The following CHST11 variants were observed in gnomAD, a reference collection of about 807,000 sequenced individuals.
CHST11 encodes the protein C4S-1.
In CHST11, 9 loss-of-function variants were observed where a neutral mutation model predicts 30.4. The observed-to-expected ratio is 0.30, with a 90% CI of 0.18 to 0.52. The LOEUF is 0.52. CHST11 is among the 20% of genes least tolerant of loss of function. The probability of loss-of-function intolerance (pLI) is 0.97; values close to 1 mark genes in which losing one functional copy is unlikely to be tolerated. For missense variants in CHST11, 348 were observed against 460.6 expected (o/e 0.76, Z 2.24); for synonymous variants, 152 against 187.8 (o/e 0.81, Z 1.56).
rs559497069 is a variant in CHST11, at chr12:104,680,839, TG to T, written c.205-76109del. Among the ~76,000 whole-genome samples, 16 of 152,334 alleles carry T rather than the reference TG, an allele frequency of 1.1e-4. No individual in the cohort carries two copies. The East Asian group carries it at 3.1e-3, about 29-fold the overall frequency. On this transcript the variant is annotated intron_variant, in intron 2 of 2. Transcript: ENST00000303694. The stretch of plus-strand genomic sequence containing the variant: ...TTTGAGTGCCCCGCCCCCCTGTTCC[TG>T]CTGTGAGTGAAGGGTTCAGGTGAAG...
chr12:104,629,344 C>A (rs909085415), intron 2 of CHST11, among the ~76,000 whole-genome samples: 1 of 152,178 alleles, frequency 6.6e-6, no homozygotes, highest in Non-Finnish European at 1.5e-5. Flanking sequence ...CCTTGAAGCT[C>A]ACATGGTTGT....
chr12:104,720,788 C>T (rs559832771), intron 2 of CHST11, among the ~76,000 whole-genome samples: 29 of 151,846 alleles, frequency 1.9e-4, no homozygotes, highest in Non-Finnish European at 3.1e-4. Context: ...AAAAACAAAA[C>T]AAGTTCACAA....
chr12:104,646,081 A>G (rs1380515832), intron 2 of CHST11, among the ~76,000 whole-genome samples: 1 of 152,192 alleles, frequency 6.6e-6, no homozygotes, highest in African/African-American at 2.4e-5. Context: ...CTCCCTGGTG[A>G]ATGGACCCAG....
In CHST11 at chr12:104,757,828, C is replaced by A; in HGVS notation, c.*25C>A. 1 of 1,565,670 alleles carries A rather than the reference C, an allele frequency of 6.4e-7. No individual in the cohort carries two copies. Among genetic ancestry groups the A allele is most frequent in the South Asian group, 1.2e-5 (1 of 84,452 alleles). On this transcript the variant is annotated 3_prime_UTR_variant, in exon 3 of 3. Transcript: ENST00000303694. The surrounding 1 kb of genome is among the most constrained non-coding windows in gnomAD (Gnocchi z 6.5). ...AAGGGGGTGGGGAGAGGGAGAGAATCATGCTTTTTAATTTAAGATTTTTAT... is the reference window on the plus strand; with the variant it reads ...AAGGGGGTGGGGAGAGGGAGAGAATAATGCTTTTTAATTTAAGATTTTTAT...
At chr12:104,568,954 C>T (rs1226691320) in intron 1 of CHST11, among the ~76,000 whole-genome samples, 1 of 152,194 alleles carries the variant, frequency 6.6e-6, no homozygotes, top group African/African-American at 2.4e-5. Context: ...TTATTAAATA[C>T]TGACTGAATA....
intron 2 of CHST11, among the ~76,000 whole-genome samples, chr12:104,681,825 C>CTTTTTTTTTTTTTTTT (rs149441295): frequency 1.1e-4 from 9 of 85,086 alleles, no homozygotes; most frequent in Admixed American, 1.6e-4. Flanking sequence ...GTCTGTTTTG[C>CTTTTTTTTTTTTTTTT]TTTTTTTTTT....
chr12:104,495,219 G>A (rs187412136), intron 1 of CHST11, among the ~76,000 whole-genome samples: 38 of 152,278 alleles, frequency 2.5e-4, no homozygotes, highest in African/African-American at 4.3e-4. Context: ...CTGTTCTTCA[G>A]TTGATGGGCA....
At chr12:104,493,555 G>A (rs914521688) in intron 1 of CHST11, among the ~76,000 whole-genome samples, 3 of 152,214 alleles carry the variant, frequency 2.0e-5, no homozygotes, top group Non-Finnish European at 2.9e-5. Context: ...GTATGCGAAT[G>A]TGTGTCAAAT....
At chr12:104,704,743 CCTCAGAACCCCGGCCTTTGGAGGG>C (rs1566045851) in intron 2 of CHST11, among the ~76,000 whole-genome samples, 2 of 151,822 alleles carry the variant, frequency 1.3e-5, no homozygotes, top group Non-Finnish European at 2.9e-5. Context: ...CCTTTGGAGG[CCTCAGAACCCCGGCCTTTGGAGGG>C]CTCAGATGCC....
At chr12:104,503,772 G>C (rs77299081) in intron 1 of CHST11, among the ~76,000 whole-genome samples, 1 of 152,154 alleles carries the variant, frequency 6.6e-6, no homozygotes, top group Non-Finnish European at 1.5e-5. Flanking sequence ...ACGGGACACA[G>C]TTAGTACCCG....
intron 2 of CHST11, among the ~76,000 whole-genome samples, chr12:104,741,643 CAAT>C (rs1187908735): frequency 2.0e-5 from 3 of 152,190 alleles, no homozygotes; most frequent in Non-Finnish European, 4.4e-5. Context: ...AAGTTGCCGC[CAAT>C]TGCCTCTATC....
rs2037382261 is a variant in CHST11, at chr12:104,458,964, G to T, written c.118+1435G>T. On this transcript the variant is annotated intron_variant, in intron 1 of 2. Coordinates refer to ENST00000303694, the MANE Select transcript of CHST11 (RefSeq NM_018413.6). The surrounding 1 kb of genome is among the most constrained non-coding windows in gnomAD (Gnocchi z 5.7). Reference sequence around the variant, plus strand: ...TGCAGGCTGCAGATTCCTTGACAGCGCAGGGACAGACGGCCCCTTTGCCCC... The same window carrying T: ...TGCAGGCTGCAGATTCCTTGACAGCTCAGGGACAGACGGCCCCTTTGCCCC... 6.6e-6 allele frequency among the ~76,000 whole-genome samples: 1 copy of T among 152,232 alleles called. No individual in the cohort carries two copies. Among genetic ancestry groups the T allele is most frequent in the South Asian group, 2.1e-4 (1 of 4,836 alleles).
intron 1 of CHST11, among the ~76,000 whole-genome samples, chr12:104,523,233 G>C (rs1704912): frequency 0.79 from 119,524 of 152,138 alleles, 47,216 homozygotes; most frequent in Admixed American, 0.86. Context: ...CAGATGTGTG[G>C]GTGGGGTTTC....
In CHST11 at chr12:104,729,626, C is replaced by T. The variant is rs1188413371; in HGVS notation, c.205-27323C>T. Among the ~76,000 whole-genome samples, 1 of 152,116 alleles carries T rather than the reference C, an allele frequency of 6.6e-6. No homozygotes were observed. Among genetic ancestry groups the T allele is most frequent in the African/African-American group, 2.4e-5 (1 of 41,414 alleles). On this transcript the variant is annotated intron_variant, in intron 2 of 2. Transcript: ENST00000303694. The surrounding 1 kb of genome is among the most constrained non-coding windows in gnomAD (Gnocchi z 4.0). The stretch of plus-strand genomic sequence containing the variant: ...TAGGTGCCATGAGTGACAGAAGCAG[C>T]GTAAGGTCTAGCGTATTGTCTTCTC...
chr12:104,573,839 C>T (rs2038654668), intron 1 of CHST11, among the ~76,000 whole-genome samples: 1 of 152,178 alleles, frequency 6.6e-6, no homozygotes, highest in South Asian at 2.1e-4. Flanking sequence ...GCAATGGGAA[C>T]AGAAGCCAAA....
At chr12:104,578,315 C>G (rs540837477) in intron 1 of CHST11, among the ~76,000 whole-genome samples, 1 of 152,246 alleles carries the variant, frequency 6.6e-6, no homozygotes, top group South Asian at 2.1e-4. Flanking sequence ...AACTAGATGC[C>G]TTGTAATATA....
At chr12:104,755,044 C>A (rs1424481592) in intron 2 of CHST11, among the ~76,000 whole-genome samples, 1 of 152,210 alleles carries the variant, frequency 6.6e-6, no homozygotes, top group Non-Finnish European at 1.5e-5. Flanking sequence ...ATGCAGGGTG[C>A]AATGGCTTCT....
intron 1 of CHST11, among the ~76,000 whole-genome samples, chr12:104,549,986 T>TGG (rs959597575): frequency 5.3e-5 from 8 of 152,282 alleles, no homozygotes; most frequent in African/African-American, 1.9e-4. Flanking sequence ...AGAAGCCTGG[T>TGG]GGCACCCAGG....
At chr12:104,596,832 C>T (rs928951888) in intron 1 of CHST11, among the ~76,000 whole-genome samples, 6 of 152,188 alleles carry the variant, frequency 3.9e-5, no homozygotes, top group Non-Finnish European at 8.8e-5. Context: ...CTGCTAGCTA[C>T]ACTGGGCAGT....
Sources: allele counts gnomAD v4.1 joint callset (sites outside exome capture counted in the v4.1 genomes callset), GRCh38; gene constraint gnomAD v4.1.1; non-coding constraint Gnocchi (gnomAD v3.1); transcripts MANE v1.5; gene names NCBI Gene and HGNC (gene_info 2026-07-23, HGNC 2026-07-21).